CKAP5: variants seen among roughly 807,000 people sequenced by gnomAD.
CKAP5 encodes the protein cytoskeleton associated protein 5.
CKAP5 carries 27 observed loss-of-function variants against 232.8 expected under a neutral mutation model. The ratio of observed to expected loss-of-function variants is 0.12; its 90% CI spans 0.09 to 0.16. The LOEUF (loss-of-function observed/expected upper bound fraction) is 0.16. Among genes scored for constraint, CKAP5 ranks in the 10% least tolerant of loss-of-function variants. The probability of loss-of-function intolerance (pLI) is 1.00; values close to 1 mark genes in which losing one functional copy is unlikely to be tolerated. For missense variants in CKAP5, 1,838 were observed against 2,424.7 expected (o/e 0.76, Z 5.08); for synonymous variants, 785 against 841.1 (o/e 0.93, Z 1.16).
chr11:46,776,736 ATGTTAAAGACATCATAATGGTTAAGACT>A (rs2065294306), intron 23 of CKAP5, among the ~76,000 whole-genome samples: 1 of 152,230 alleles, frequency 6.6e-6, no homozygotes, highest in Non-Finnish European at 1.5e-5. Flanking sequence ...GAAATTCTAA[ATGTTAAAGACATCATAATGGTTAAGACT>A]GAAACTGCTA....
intron 3 of CKAP5, among the ~76,000 whole-genome samples, chr11:46,818,021 G>A (rs926075395): frequency 1.3e-5 from 2 of 151,970 alleles, no homozygotes; most frequent in Admixed American, 6.6e-5. Flanking sequence ...CTTCCTTTTA[G>A]TTTAGAATAA....
At chr11:46,775,308 C>T (rs754909687) in intron 24 of CKAP5, among the ~76,000 whole-genome samples, 1 of 151,866 alleles carries the variant, frequency 6.6e-6, no homozygotes, top group Non-Finnish European at 1.5e-5. Context: ...GTTAGAATGG[C>T]GATCATTAAA....
At chr11:46,788,906 A>G in intron 15 of CKAP5, 133 bp from the exon 16 acceptor site, 1 of 641,050 alleles carries the variant, frequency 1.6e-6, no homozygotes. Context: ...TTATTGAGGG[A>G]GCTTATATAG....
At chr11:46,783,713 G>A (rs2065361896) in intron 17 of CKAP5, among the ~76,000 whole-genome samples, 1 of 150,614 alleles carries the variant, frequency 6.6e-6, no homozygotes, top group Non-Finnish European at 1.5e-5. Flanking sequence ...AGAATTTTTT[G>A]TTTATTTGTT....
At chr11:46,802,612 C>A (rs1939059959) in intron 8 of CKAP5, among the ~76,000 whole-genome samples, 1 of 151,808 alleles carries the variant, frequency 6.6e-6, no homozygotes, top group African/African-American at 2.4e-5. Context: ...TAAATGCACA[C>A]ACACACACGG....
At chr11:46,805,210 G>C (rs1939126993) in intron 8 of CKAP5, among the ~76,000 whole-genome samples, 1 of 152,078 alleles carries the variant, frequency 6.6e-6, no homozygotes, top group Admixed American at 6.6e-5. Flanking sequence ...ACTCCAGCCT[G>C]GGTGACAAAG....
chr11:46,792,643 T>TCA (rs1261315570), intron 13 of CKAP5, among the ~76,000 whole-genome samples: 3 of 152,150 alleles, frequency 2.0e-5, no homozygotes, highest in African/African-American at 7.2e-5. Flanking sequence ...GCTCAGTGGC[T>TCA]CACGTGCTGC....
intron 11 of CKAP5, 40 bp from the exon 12 acceptor site, chr11:46,796,980 T>A: frequency 6.2e-7 from 1 of 1,606,792 alleles, no homozygotes; most frequent in Non-Finnish European, 8.5e-7. Context: ...TAATGCAAGG[T>A]ATTTTAGGCA....
In CKAP5 at chr11:46,809,724, T is replaced by C. The variant is rs1266879335; in HGVS notation, c.763+18A>G. On this transcript the variant is annotated intron_variant, in intron 6 of 43. Transcript: ENST00000529230. The stretch of plus-strand genomic sequence containing the variant: ...TCTTGCTAATTTTTGCAGAAACCGG[T>C]GTTTAAAATTGGCTTACCTCCTTCA... 7 of 1,613,414 alleles carry C rather than the reference T, an allele frequency of 4.3e-6. No individual in the cohort carries two copies.
intron 8 of CKAP5, among the ~76,000 whole-genome samples, chr11:46,804,632 TTAA>T (rs1222449504): frequency 3.9e-5 from 6 of 152,082 alleles, no homozygotes; most frequent in African/African-American, 9.7e-5. Context: ...AAGCCACTAG[TTAA>T]TAATAACTAA....
At chr11:46,761,975 GAC>G (rs1482753722) in intron 32 of CKAP5, 23 bp downstream of exon 32, 1 of 1,573,052 alleles carries the variant, frequency 6.4e-7, no homozygotes, top group South Asian at 1.1e-5. Flanking sequence ...ACGACATGCT[GAC>G]AGTGTTCAGA....
At chr11:46,798,227 G>A in intron 9 of CKAP5, 55 bp from the exon 10 acceptor site, 22 of 1,186,714 alleles carry the variant, frequency 1.9e-5, no homozygotes, top group South Asian at 2.5e-5. Context: ...ATGATATATT[G>A]ATATATCCTA....
chr11:46,788,598 A>T, intron 16 of CKAP5, 83 bp downstream of exon 16: 1 of 848,966 alleles, frequency 1.2e-6, no homozygotes. Flanking sequence ...TCATTACGAA[A>T]ACTATTCTGC....
rs200902714 is a variant in CKAP5, at chr11:46,780,408, A to T, written c.2307+20T>A. 16 of 1,613,534 alleles carry T rather than the reference A, an allele frequency of 9.9e-6. No individual in the cohort carries two copies. The South Asian group carries it at 1.6e-4, about 17-fold the overall frequency. ...CACAAAGATGGCAATACTGCCCTAT[A>T]TATGTTGTTATGTACTCACTGGGTT... On this transcript the variant is annotated intron_variant, in intron 19 of 43. Transcript: ENST00000529230.
At chr11:46,756,677 A>C (rs1361854187) in intron 35 of CKAP5, among the ~76,000 whole-genome samples, 1 of 151,864 alleles carries the variant, frequency 6.6e-6, no homozygotes, top group Non-Finnish European at 1.5e-5. Context: ...CATGCACTGC[A>C]TTTACCTGTC....
At chr11:46,752,219 C>CACACACACACACACACACAT (rs767115981) in intron 38 of CKAP5, among the ~76,000 whole-genome samples, 1 of 86,220 alleles carries the variant, frequency 1.2e-5, no homozygotes, top group Non-Finnish European at 2.6e-5. Flanking sequence ...CACACACACA[C>CACACACACACACACACACAT]ACACACACAC....
chr11:46,836,187 T>C (rs1372582038), intron 1 of CKAP5, among the ~76,000 whole-genome samples: 1 of 152,134 alleles, frequency 6.6e-6, no homozygotes, highest in Non-Finnish European at 1.5e-5. Flanking sequence ...GGCACATGAA[T>C]AGAAAAACTG....
In CKAP5 at chr11:46,828,327, G is replaced by T. The variant is rs548595922; in HGVS notation, c.-37-7059C>A. ...TTCAGATTAAAACAGTCTGATTTTT[G>T]AACTGCCAAGACAGTCTCATTCTAC... is the stretch of plus-strand genomic sequence containing the variant. On this transcript the variant is annotated intron_variant, in intron 1 of 43. Coordinates refer to ENST00000529230, the MANE Select transcript of CKAP5 (RefSeq NM_001008938.4). 2.8e-4 allele frequency among the ~76,000 whole-genome samples: 42 copies of T among 152,212 alleles called. No homozygotes were observed. The East Asian group carries it at 7.7e-3, about 28-fold the overall frequency.
At chr11:46,817,571 T>G (rs190279424) in intron 3 of CKAP5, among the ~76,000 whole-genome samples, 9 of 152,224 alleles carry the variant, frequency 5.9e-5, no homozygotes, top group Admixed American at 2.6e-4. Context: ...AACCCAGTGA[T>G]GCCAGTTAAC....
Sources: gnomAD v4.1 joint callset for allele counts (sites outside exome capture counted in the v4.1 genomes callset) on GRCh38, gnomAD v4.1.1 for gene constraint, MANE v1.5 for transcripts, NCBI Gene and HGNC (gene_info 2026-07-23, HGNC 2026-07-21) for gene names.